ADAMTSL1: variants seen among roughly 807,000 people sequenced by gnomAD.
ADAMTSL1 encodes the protein ADAMTS-like protein 1.
A neutral mutation model predicts 201.8 loss-of-function variants in ADAMTSL1; 126 were observed. The ratio of observed to expected loss-of-function variants is 0.62; its 90% CI spans 0.54 to 0.72. The LOEUF is 0.72. Ranked by LOEUF, ADAMTSL1 falls within the 30% of genes least tolerant of loss-of-function variation. ADAMTSL1 has a pLI of 0.00. For missense variants in ADAMTSL1, 2,679 were observed against 2,277.8 expected (o/e 1.18, Z -3.59); for synonymous variants, 1,121 against 903.4 (o/e 1.24, Z -4.32).
chr9:18,307,225 C>T (rs935228376), intron 2 of ADAMTSL1, among the ~76,000 whole-genome samples: 2 of 151,988 alleles, frequency 1.3e-5, no homozygotes, highest in South Asian at 4.2e-4. Flanking sequence ...AAAATAGTAC[C>T]AGCCACTGCA....
chr9:18,095,244 T>A (rs546713871), intron 1 of ADAMTSL1, among the ~76,000 whole-genome samples: 7 of 151,988 alleles, frequency 4.6e-5, no homozygotes, highest in African/African-American at 1.7e-4. Flanking sequence ...TCACAGCCAA[T>A]AGATCACACA....
chr9:18,034,429 C>T (rs2131615987), intron 1 of ADAMTSL1, among the ~76,000 whole-genome samples: 1 of 152,272 alleles, frequency 6.6e-6, no homozygotes, highest in African/African-American at 2.4e-5. Flanking sequence ...GCCAGTCAGC[C>T]TCCTGTTGCA....
intron 1 of ADAMTSL1, among the ~76,000 whole-genome samples, chr9:18,087,977 G>A (rs1181462702): frequency 6.6e-6 from 1 of 152,042 alleles, no homozygotes; most frequent in Non-Finnish European, 1.5e-5. Context: ...ATCAGCCCTG[G>A]AGGTACCACA....
At chr9:18,166,470 A>C (rs1378752232) in intron 2 of ADAMTSL1, among the ~76,000 whole-genome samples, 2 of 151,916 alleles carry the variant, frequency 1.3e-5, no homozygotes, top group Non-Finnish European at 2.9e-5. Context: ...GATATGAATG[A>C]CTTCAGTTTT....
chr9:18,110,340 TGCGAACTGTGGCCCA>T (rs34501179), intron 1 of ADAMTSL1, among the ~76,000 whole-genome samples: 3,615 of 152,234 alleles, frequency 0.024, 47 homozygotes, highest in Middle Eastern at 0.044. Flanking sequence ...GAACTGGATT[TGCGAACTGTGGCCCA>T]GCGAATGCTG....
At chr9:18,088,140 C>A (rs1202044636) in intron 1 of ADAMTSL1, among the ~76,000 whole-genome samples, 2 of 152,058 alleles carry the variant, frequency 1.3e-5, no homozygotes, top group Non-Finnish European at 2.9e-5. Context: ...CAAAAACACA[C>A]AATGGGGAAA....
At chr9:18,143,447 G>A (rs1416738345) in intron 1 of ADAMTSL1, among the ~76,000 whole-genome samples, 1 of 152,156 alleles carries the variant, frequency 6.6e-6, no homozygotes, top group Admixed American at 6.5e-5. Flanking sequence ...GGTAAGGGCT[G>A]TGGAGCAGGA....
intron 2 of ADAMTSL1, among the ~76,000 whole-genome samples, chr9:18,307,194 G>A (rs577711631): frequency 9.9e-5 from 15 of 152,140 alleles, no homozygotes; most frequent in African/African-American, 2.9e-4. Context: ...CCTGAAGGAA[G>A]CTCTAAATAT....
chr9:18,304,294 C>T (rs1833821448), intron 2 of ADAMTSL1, among the ~76,000 whole-genome samples: 1 of 152,040 alleles, frequency 6.6e-6, no homozygotes, highest in Non-Finnish European at 1.5e-5. Flanking sequence ...TTCACTCCTG[C>T]CCCTACCCTC....
At chr9:18,326,048 G>T (rs981459522) in intron 2 of ADAMTSL1, among the ~76,000 whole-genome samples, 1 of 151,984 alleles carries the variant, frequency 6.6e-6, no homozygotes, top group Non-Finnish European at 1.5e-5. Context: ...GGCCTAAAAG[G>T]ATCTTAATCC....
intron 1 of ADAMTSL1, among the ~76,000 whole-genome samples, chr9:18,038,157 A>G (rs932614196): frequency 6.6e-6 from 1 of 152,154 alleles, no homozygotes; most frequent in Non-Finnish European, 1.5e-5. Context: ...TGAAGCGTCA[A>G]CCACACCTCT....
At chr9:18,086,329 G>A (rs894133227) in intron 1 of ADAMTSL1, among the ~76,000 whole-genome samples, 3 of 152,014 alleles carry the variant, frequency 2.0e-5, no homozygotes, top group Admixed American at 2.0e-4. Context: ...AGGAATAAGA[G>A]ACTAACCTTA....
intron 23 of ADAMTSL1, 126 bp from the exon 24 acceptor site, chr9:18,887,704 TA>T: frequency 1.2e-6 from 1 of 810,064 alleles, no homozygotes; most frequent in Non-Finnish European, 1.9e-6. Flanking sequence ...GCAAATGTAA[TA>T]AAAATGCCAC....
chr9:18,321,747 C>A (rs1469243547), intron 2 of ADAMTSL1, among the ~76,000 whole-genome samples: 1 of 150,810 alleles, frequency 6.6e-6, no homozygotes, highest in Non-Finnish European at 1.5e-5. Flanking sequence ...CAGCCGAGAT[C>A]ACACCACAGC....
At chr9:17,966,732 TACAAATGGTGATAGTCTA>T in intron 1 of ADAMTSL1, among the ~76,000 whole-genome samples, 1 of 152,326 alleles carries the variant, frequency 6.6e-6, no homozygotes. Flanking sequence ...CACTGAGTGC[TACAAATGGTGATAGTCTA>T]ATTCTAGCAT....
intron 2 of ADAMTSL1, among the ~76,000 whole-genome samples, chr9:18,276,667 C>T (rs2132607640): frequency 6.6e-6 from 1 of 152,292 alleles, no homozygotes; most frequent in Non-Finnish European, 1.5e-5. Context: ...ACAATCAGGG[C>T]AGAAGGCAAA....
At chr9:17,931,451 TGGAAAAGTTG>T (rs1826783870) in intron 1 of ADAMTSL1, among the ~76,000 whole-genome samples, 1 of 152,212 alleles carries the variant, frequency 6.6e-6, no homozygotes, top group Non-Finnish European at 1.5e-5. Context: ...AGCTGTCATT[TGGAAAAGTTG>T]GGAGGAGACG....
At chr9:17,929,786 C>T (rs932175830) in intron 1 of ADAMTSL1, among the ~76,000 whole-genome samples, 1 of 152,192 alleles carries the variant, frequency 6.6e-6, no homozygotes, top group Admixed American at 6.5e-5. Flanking sequence ...TAGATGGCTT[C>T]TGTCATTATT....
chr9:17,983,786 G>T (rs1281856719), intron 1 of ADAMTSL1, among the ~76,000 whole-genome samples: 1 of 151,888 alleles, frequency 6.6e-6, no homozygotes, highest in Admixed American at 6.6e-5. Context: ...GGAACATTTT[G>T]TTTGTTAGTG....
Sources: gnomAD v4.1 joint callset for allele counts (sites outside exome capture counted in the v4.1 genomes callset) on GRCh38, gnomAD v4.1.1 for gene constraint, MANE v1.5 for transcripts, NCBI Gene and HGNC (gene_info 2026-07-23, HGNC 2026-07-21) for gene names.